The following GRM7 variants were observed in gnomAD, a reference collection of about 807,000 sequenced individuals.
GRM7 encodes glutamate metabotropic receptor 7, also known as metabotropic glutamate receptor 7.
Under a neutral mutation model 84.5 loss-of-function variants are expected in GRM7, and 35 were observed. The ratio of observed to expected loss-of-function variants is 0.41; its 90% confidence interval spans 0.32 to 0.55. GRM7 has a LOEUF of 0.55. Among genes scored for constraint, GRM7 ranks in the 20% least tolerant of loss-of-function variants. The probability of loss-of-function intolerance (pLI) is 0.19; values close to 1 mark genes in which losing one functional copy is unlikely to be tolerated. For missense variants in GRM7, 1,003 were observed against 1,194.6 expected, an observed-to-expected ratio of 0.84 and a Z score of 2.36; for synonymous variants, 487 against 455.1, an observed-to-expected ratio of 1.07 and a Z score of -0.89.
chr3:7,460,401 T>A (rs969593408), intron 6 of GRM7, among the ~76,000 whole-genome samples: 8 of 152,026 alleles, frequency 5.3e-5, no homozygotes, highest in East Asian at 3.8e-4. Context: ...TTTTTTTTTT[T>A]ATTTTCCAAA....
At chr3:7,100,481 G>C (rs1239511228) in intron 1 of GRM7, among the ~76,000 whole-genome samples, 1 of 151,684 alleles carries the variant, frequency 6.6e-6, no homozygotes, top group Non-Finnish European at 1.5e-5. Context: ...GTTTTTCATA[G>C]GCAAAAATAC....
Position 7,701,324 on chromosome 3 carries a change from G to A in GRM7, c.2698+21029G>A, listed in dbSNP as rs143431764. Among the ~76,000 whole-genome samples, 573 of 128,194 alleles carry A rather than the reference G, an allele frequency of 4.5e-3. 5 individuals are homozygous for A. The highest frequency in any genetic ancestry group is 0.016 in the African/African-American group (534 of 34,066). The allele number at this position is 128,194 out of a possible 152,430, so 84.1% of individuals were successfully genotyped here. A position where few individuals can be genotyped will look rare whatever the true frequency, so the allele number is the denominator to read the frequency against. ...TTTTTTTTTTTTTTTTTTTTGAGAC[G>A]GAATCTCACTCTGTCACACAGGCTG... On this transcript the variant is annotated intron_variant, in intron 9 of 9. Transcript: ENST00000357716.
At chr3:7,703,503 C>T (rs1419437456) in intron 9 of GRM7, among the ~76,000 whole-genome samples, 2 of 151,896 alleles carry the variant, frequency 1.3e-5, no homozygotes, top group Non-Finnish European at 2.9e-5. Context: ...CTAGAGATGG[C>T]TCTGCCACTT....
intron 1 of GRM7, among the ~76,000 whole-genome samples, chr3:6,949,473 C>G (rs1420796110): frequency 6.6e-6 from 1 of 152,126 alleles, no homozygotes; most frequent in East Asian, 1.9e-4. Flanking sequence ...ACCTTTCTCT[C>G]TGGTTGCCCT....
chr3:7,352,483 G>A (rs1324750076), intron 4 of GRM7, among the ~76,000 whole-genome samples: 1 of 152,060 alleles, frequency 6.6e-6, no homozygotes, highest in East Asian at 1.9e-4. Context: ...TTCTAAGTAT[G>A]CCCTGAAGAC....
At chr3:7,651,217 T>TG (rs34709374) in intron 8 of GRM7, among the ~76,000 whole-genome samples, 50,675 of 151,978 alleles carry the variant, frequency 0.33, 8,755 homozygotes, top group Non-Finnish European at 0.36. Context: ...GACCTTATCC[T>TG]GGAAAAGAAT....
intron 7 of GRM7, among the ~76,000 whole-genome samples, chr3:7,507,902 T>C (rs1700084920): frequency 6.6e-6 from 1 of 152,204 alleles, no homozygotes; most frequent in Non-Finnish European, 1.5e-5. Context: ...TGTTCAACAC[T>C]TATTTCCATT....
chr3:7,697,701 G>A (rs1304893050), intron 9 of GRM7, among the ~76,000 whole-genome samples: 1 of 152,144 alleles, frequency 6.6e-6, no homozygotes, highest in African/African-American at 2.4e-5. Context: ...TTTAAAAGGA[G>A]GAGTGAATTA....
intron 1 of GRM7, among the ~76,000 whole-genome samples, chr3:6,961,765 C>T (rs1170031858): frequency 6.6e-6 from 1 of 152,174 alleles, no homozygotes; most frequent in Non-Finnish European, 1.5e-5. Flanking sequence ...ACCATCCACT[C>T]ATGTCCTGTA....
intron 7 of GRM7, among the ~76,000 whole-genome samples, chr3:7,508,466 C>G (rs1700100507): frequency 1.3e-5 from 2 of 152,110 alleles, no homozygotes; most frequent in South Asian, 4.2e-4. Context: ...TAATTATATA[C>G]ACATGCACAC....
At chr3:7,667,110 A>C (rs1210196330) in intron 8 of GRM7, among the ~76,000 whole-genome samples, 1 of 152,058 alleles carries the variant, frequency 6.6e-6, no homozygotes, top group Non-Finnish European at 1.5e-5. Context: ...ACAAAAAACA[A>C]ACAAAAAAAA....
intron 9 of GRM7, among the ~76,000 whole-genome samples, chr3:7,705,669 G>T (rs906498621): frequency 6.6e-6 from 1 of 152,160 alleles, no homozygotes; most frequent in Non-Finnish European, 1.5e-5. Flanking sequence ...CATGCTTTGG[G>T]AGTATGGTAA....
At chr3:7,441,776 T>C (rs1156708284) in intron 5 of GRM7, among the ~76,000 whole-genome samples, 1 of 152,164 alleles carries the variant, frequency 6.6e-6, no homozygotes, top group Non-Finnish European at 1.5e-5. Context: ...TTGTCAAAGA[T>C]CAGATGGCTG....
At chr3:7,053,261 G>C (rs1394082630) in intron 1 of GRM7, among the ~76,000 whole-genome samples, 1 of 150,556 alleles carries the variant, frequency 6.6e-6, no homozygotes, top group Non-Finnish European at 1.5e-5. Context: ...TATTGAATAA[G>C]AGCTCTTTAT....
chr3:7,490,059 G>C (rs535687999), intron 7 of GRM7, among the ~76,000 whole-genome samples: 5 of 151,508 alleles, frequency 3.3e-5, no homozygotes, highest in African/African-American at 9.7e-5. Context: ...AAAAATTCTC[G>C]AACACTTATA....
chr3:7,066,420 C>G (rs1466159974), intron 1 of GRM7, among the ~76,000 whole-genome samples: 2 of 151,918 alleles, frequency 1.3e-5, no homozygotes, highest in East Asian at 1.9e-4. Context: ...ACTAGAAAAC[C>G]TAGAGGAGAT....
intron 2 of GRM7, among the ~76,000 whole-genome samples, chr3:7,153,814 T>C (rs1450561897): frequency 2.1e-5 from 3 of 142,886 alleles, no homozygotes; most frequent in South Asian, 2.2e-4. Context: ...GAAACAACAA[T>C]AGGACAAAAA....
At chr3:6,883,203 TTTC>T (rs1326103360) in intron 1 of GRM7, among the ~76,000 whole-genome samples, 1 of 152,186 alleles carries the variant, frequency 6.6e-6, no homozygotes, top group East Asian at 1.9e-4. Flanking sequence ...ACTGTTTGTA[TTTC>T]TTCTTTTGTG....
At chr3:7,735,637 C>G (rs934592312) in intron 9 of GRM7, among the ~76,000 whole-genome samples, 23 of 152,094 alleles carry the variant, frequency 1.5e-4, no homozygotes, top group African/African-American at 5.6e-4. Flanking sequence ...AGTCAAGCTC[C>G]TCCTCAAAAA....
Sources: allele counts gnomAD v4.1 joint callset (sites outside exome capture counted in the v4.1 genomes callset), GRCh38; gene constraint gnomAD v4.1.1; transcripts MANE v1.5; gene names NCBI Gene and HGNC (gene_info 2026-07-23, HGNC 2026-07-21).